Variants in SLC28A1 observed in about 807,000 individuals in gnomAD.
SLC28A1 encodes sodium/nucleoside cotransporter 1.
In SLC28A1, 64 loss-of-function variants were observed where a neutral mutation model predicts 74.8. The observed-to-expected ratio is 0.86, with a 90% confidence interval of 0.70 to 1.05. The LOEUF (loss-of-function observed/expected upper bound fraction) is 1.05. SLC28A1 is among the 50% of genes least tolerant of loss of function. The pLI is 0.00. For synonymous variants in SLC28A1, 359 were observed against 335.0 expected (o/e 1.07, Z -0.78); for missense variants, 828 against 822.8 (o/e 1.01, Z -0.08).
intron 7 of SLC28A1, among the ~76,000 whole-genome samples, chr15:84,905,300 C>T (rs1352727640): frequency 6.6e-6 from 1 of 152,198 alleles, no homozygotes; most frequent in Non-Finnish European, 1.5e-5. Context: ...TCCGGTTTCA[C>T]CTGAGTTCTT....
chr15:84,963,650 C>G, the SLC28A1 span, among the ~76,000 whole-genome samples: 2 of 152,160 alleles, frequency 1.3e-5, no homozygotes, highest in African/African-American at 2.4e-5. Flanking sequence ...TGTCTATCAG[C>G]CATTGTACAC....
At chr15:84,890,633 A>C in intron 5 of SLC28A1, 99 bp downstream of exon 5, 2 of 990,120 alleles carry the variant, frequency 2.0e-6, no homozygotes, top group Non-Finnish European at 3.1e-6. Context: ...CATTCAACAA[A>C]TGGTTGTTGA....
chr15:84,969,897 G>T, the SLC28A1 span, among the ~76,000 whole-genome samples: 1 of 152,168 alleles, frequency 6.6e-6, no homozygotes, highest in Non-Finnish European at 1.5e-5. Context: ...AACAGAAGAA[G>T]TTGAATCACA....
At chr15:84,901,464 G>A (rs1257054475) in intron 6 of SLC28A1, among the ~76,000 whole-genome samples, 1 of 151,918 alleles carries the variant, frequency 6.6e-6, no homozygotes, top group Admixed American at 6.6e-5. Context: ...CCAGGATCTT[G>A]TGCCTCTGCA....
intron 9 of SLC28A1, among the ~76,000 whole-genome samples, chr15:84,912,967 G>C (rs952603353): frequency 6.6e-6 from 1 of 152,104 alleles, no homozygotes; most frequent in Non-Finnish European, 1.5e-5. Context: ...GGGTGGGATG[G>C]CTGAAAGAAG....
At chr15:84,923,620 A>T (rs115562663) in intron 11 of SLC28A1, among the ~76,000 whole-genome samples, 1 of 152,130 alleles carries the variant, frequency 6.6e-6, no homozygotes, top group Non-Finnish European at 1.5e-5. Flanking sequence ...ACATCCTTTT[A>T]CATGAGCAGG....
At chr15:84,942,545 T>C (rs1972831108) in intron 15 of SLC28A1, among the ~76,000 whole-genome samples, 3 of 152,204 alleles carry the variant, frequency 2.0e-5, no homozygotes, top group Non-Finnish European at 4.4e-5. Flanking sequence ...CCATACATTA[T>C]ATAATCCTTT....
chr15:84,913,914 A>C (rs554327086), intron 9 of SLC28A1, among the ~76,000 whole-genome samples: 1 of 152,220 alleles, frequency 6.6e-6, no homozygotes, highest in East Asian at 1.9e-4. Flanking sequence ...CACATGGTAA[A>C]AGAGGTGAGG....
intron 9 of SLC28A1, among the ~76,000 whole-genome samples, chr15:84,917,064 T>C (rs1223113122): frequency 6.8e-6 from 1 of 147,320 alleles, no homozygotes; most frequent in Admixed American, 6.8e-5. Flanking sequence ...TAGGAACAGA[T>C]GAGAAATTCA....
intron 16 of SLC28A1, among the ~76,000 whole-genome samples, chr15:84,944,331 T>G (rs1046587965): frequency 3.9e-5 from 6 of 152,238 alleles, no homozygotes; most frequent in African/African-American, 1.4e-4. Flanking sequence ...ACTCACATTC[T>G]TTTCCTGCAT....
At chr15:84,896,881 T>C (rs1966057155) in intron 6 of SLC28A1, among the ~76,000 whole-genome samples, 1 of 152,152 alleles carries the variant, frequency 6.6e-6, no homozygotes, top group African/African-American at 2.4e-5. Context: ...TAAAGAACCA[T>C]ATACGGCATG....
intron 4 of SLC28A1, among the ~76,000 whole-genome samples, chr15:84,889,861 C>CT (rs796710074): frequency 5.1e-4 from 69 of 136,184 alleles, no homozygotes; most frequent in East Asian, 8.4e-4. Flanking sequence ...TCCTTTCTCT[C>CT]TTTTTTTTTT....
At chr15:84,921,217 A>C in intron 11 of SLC28A1, 148 bp downstream of exon 11, 1 of 716,874 alleles carries the variant, frequency 1.4e-6, no homozygotes, top group Non-Finnish European at 2.5e-6. Flanking sequence ...CTCCAGGGAT[A>C]CTCTGTTTGG....
intron 11 of SLC28A1, 141 bp downstream of exon 11, chr15:84,921,210 C>T (rs1448327897): frequency 2.8e-6 from 2 of 723,152 alleles, no homozygotes; most frequent in Non-Finnish European, 5.0e-6. Flanking sequence ...TCTGCTGCTC[C>T]AGGGATACTC....
chr15:84,888,653 T>G (rs907378857), intron 3 of SLC28A1, 119 bp from the exon 4 acceptor site: 5 of 712,440 alleles, frequency 7.0e-6, no homozygotes, highest in Non-Finnish European at 1.3e-5. Context: ...AATTCCTCCC[T>G]GTGCCCCAGC....
chr15:84,963,437 G>C, the SLC28A1 span, among the ~76,000 whole-genome samples: 1 of 152,168 alleles, frequency 6.6e-6, no homozygotes, highest in Non-Finnish European at 1.5e-5. Context: ...CTAGATAGAG[G>C]GGTGGGGAAG....
At chr15:84,900,192 G>A (rs1966509513) in intron 6 of SLC28A1, among the ~76,000 whole-genome samples, 1 of 151,712 alleles carries the variant, frequency 6.6e-6, no homozygotes, top group Non-Finnish European at 1.5e-5. Flanking sequence ...AGGCATGGTG[G>A]CATGCGCCTG....
chr15:84,915,041 G>T (rs1214456074), intron 9 of SLC28A1, among the ~76,000 whole-genome samples: 1 of 152,140 alleles, frequency 6.6e-6, no homozygotes, highest in African/African-American at 2.4e-5. Flanking sequence ...ATCCCTGCAG[G>T]CCTGCTAGCT....
At chr15:84,920,552 A>G (rs1296800577) in intron 10 of SLC28A1, among the ~76,000 whole-genome samples, 1 of 152,202 alleles carries the variant, frequency 6.6e-6, no homozygotes, top group East Asian at 1.9e-4. Context: ...ACAGCATGTT[A>G]GTAAATGTTA....
Sources: allele counts gnomAD v4.1 joint callset (sites outside exome capture counted in the v4.1 genomes callset), GRCh38; gene constraint gnomAD v4.1.1; transcripts MANE v1.5; gene names NCBI Gene and HGNC (gene_info 2026-07-23, HGNC 2026-07-21).